Variants in PCDH15 observed in about 807,000 individuals in gnomAD.
PCDH15 encodes protocadherin related 15.
Under a neutral mutation model 178.5 loss-of-function variants are expected in PCDH15, and 129 were observed. The observed-to-expected ratio is 0.72, with a 90% CI of 0.63 to 0.84. The LOEUF is 0.84. Among genes scored for constraint, PCDH15 ranks in the 40% least tolerant of loss-of-function variants. The pLI, the probability that PCDH15 is intolerant of heterozygous loss-of-function variation, is 0.00. For synonymous variants in PCDH15, 800 were observed against 732.0 expected, an observed-to-expected ratio of 1.09 and a Z score of -1.50; for missense variants, 2,230 against 2,099.9, an observed-to-expected ratio of 1.06 and a Z score of -1.21.
At chr10:55,456,458 T>A (rs572339014) in intron 2 of PCDH15, among the ~76,000 whole-genome samples, 1 of 152,234 alleles carries the variant, frequency 6.6e-6, no homozygotes, top group South Asian at 2.1e-4. Flanking sequence ...GTTAAACGTC[T>A]CATAAATAAT....
chr10:55,341,400 T>G (rs1844552050), intron 2 of PCDH15, among the ~76,000 whole-genome samples: 1 of 152,042 alleles, frequency 6.6e-6, no homozygotes, highest in Admixed American at 6.6e-5. Flanking sequence ...ATGGGAGAAT[T>G]TAACAAGAAT....
chr10:55,479,042 GA>G (rs1468362055), intron 2 of PCDH15, among the ~76,000 whole-genome samples: 4 of 150,630 alleles, frequency 2.7e-5, no homozygotes, highest in African/African-American at 9.7e-5. Flanking sequence ...GAAGATCCTG[GA>G]CTCAGTTCTA....
chr10:53,990,308 G>C (rs1277473994), intron 21 of PCDH15, among the ~76,000 whole-genome samples: 3 of 151,810 alleles, frequency 2.0e-5, no homozygotes, highest in Non-Finnish European at 4.4e-5. Flanking sequence ...ATACTTCACA[G>C]TTGTAATGAT....
chr10:55,259,727 A>AC (rs1276019901), intron 1 of PCDH15, among the ~76,000 whole-genome samples: 1 of 151,502 alleles, frequency 6.6e-6, no homozygotes, highest in Non-Finnish European at 1.5e-5. Flanking sequence ...ACATGGAGAA[A>AC]CCCCGTCTCT....
At chr10:55,387,286 G>A (rs1048914854) in intron 2 of PCDH15, among the ~76,000 whole-genome samples, 1 of 152,066 alleles carries the variant, frequency 6.6e-6, no homozygotes, top group Middle Eastern at 3.2e-3. Context: ...CCTGGTCCCA[G>A]TGTGGAGGCT....
chr10:54,935,740 T>A (rs983946074), intron 2 of PCDH15, among the ~76,000 whole-genome samples: 1 of 152,114 alleles, frequency 6.6e-6, no homozygotes, highest in Non-Finnish European at 1.5e-5. Context: ...ACATAATTCC[T>A]TTCTATTATT....
chr10:54,974,570 A>C (rs1839019168), intron 2 of PCDH15, among the ~76,000 whole-genome samples: 1 of 151,930 alleles, frequency 6.6e-6, no homozygotes, highest in South Asian at 2.1e-4. Context: ...ATGCATAAAA[A>C]ATATTTCCAT....
intron 10 of PCDH15, among the ~76,000 whole-genome samples, chr10:54,209,315 A>G (rs1012625719): frequency 3.3e-5 from 5 of 152,078 alleles, no homozygotes; most frequent in African/African-American, 7.2e-5. Context: ...GAAAAGATGG[A>G]CAAGATGCAC....
At chr10:54,054,402 C>T (rs920214192) in intron 18 of PCDH15, among the ~76,000 whole-genome samples, 3 of 151,908 alleles carry the variant, frequency 2.0e-5, no homozygotes, top group Non-Finnish European at 4.4e-5. Context: ...GTAGTAGAAT[C>T]TTAAGAAAAA....
chr10:54,122,482 T>C (rs2094440275), intron 15 of PCDH15, among the ~76,000 whole-genome samples: 1 of 151,852 alleles, frequency 6.6e-6, no homozygotes, highest in Admixed American at 6.6e-5. Flanking sequence ...GTCTCACCAC[T>C]CCTATTCAGG....
intron 1 of PCDH15, among the ~76,000 whole-genome samples, chr10:54,721,369 AT>A (rs1402335969): frequency 5.3e-5 from 8 of 152,068 alleles, no homozygotes; most frequent in African/African-American, 1.7e-4. Context: ...AAGAAAAAAA[AT>A]AACAAAGATT....
At chr10:54,380,675 C>CATATATAT (rs1218220837) in intron 3 of PCDH15, among the ~76,000 whole-genome samples, 55 of 28,622 alleles carry the variant, frequency 1.9e-3, no homozygotes, top group African/African-American at 4.5e-3. Flanking sequence ...ATATATGCTC[C>CATATATAT]ATATATATAT....
At chr10:54,676,141 T>C (rs2094785022) in intron 1 of PCDH15, among the ~76,000 whole-genome samples, 1 of 151,994 alleles carries the variant, frequency 6.6e-6, no homozygotes, top group African/African-American at 2.4e-5. Flanking sequence ...AAATATATAC[T>C]TATTATAAAA....
At chr10:54,250,542 C>A (rs945071854) in intron 8 of PCDH15, among the ~76,000 whole-genome samples, 1 of 151,826 alleles carries the variant, frequency 6.6e-6, no homozygotes, top group Non-Finnish European at 1.5e-5. Flanking sequence ...CTCGGCCTCT[C>A]AAAGTGCTGG....
At chr10:55,620,196 A>G (rs1244165702) in intron 2 of PCDH15, among the ~76,000 whole-genome samples, 1 of 152,076 alleles carries the variant, frequency 6.6e-6, no homozygotes, top group Non-Finnish European at 1.5e-5. Context: ...TGTGGTCCAG[A>G]TGTATTCTAA....
intron 2 of PCDH15, among the ~76,000 whole-genome samples, chr10:54,552,216 T>C (rs755967230): frequency 7.2e-5 from 11 of 152,150 alleles, no homozygotes; most frequent in Admixed American, 4.6e-4. Flanking sequence ...TGTACTCTCC[T>C]CTGATTCTAT....
At chr10:55,364,510 T>C (rs1196914383) in intron 2 of PCDH15, among the ~76,000 whole-genome samples, 1 of 152,126 alleles carries the variant, frequency 6.6e-6, no homozygotes, top group East Asian at 1.9e-4. Flanking sequence ...TATTTATATA[T>C]CTCTGGTCTT....
chr10:53,904,057 A>T (rs2082506892), intron 25 of PCDH15, among the ~76,000 whole-genome samples: 1 of 152,206 alleles, frequency 6.6e-6, no homozygotes, highest in Admixed American at 6.5e-5. Flanking sequence ...ATCAAATGTT[A>T]GAACCTCCCT....
At chr10:55,341,805 ATTTTTTTTTTTTTTTTTTT>A (rs869187882) in intron 2 of PCDH15, among the ~76,000 whole-genome samples, 1 of 16,332 alleles carries the variant, frequency 6.1e-5, no homozygotes, top group Non-Finnish European at 1.1e-4. Flanking sequence ...ATATATATAT[ATTTTTTTTTTTTTTTTTTT>A]TTTTTTTAGT....
Sources: gnomAD v4.1 joint callset for allele counts (sites outside exome capture counted in the v4.1 genomes callset) on GRCh38, gnomAD v4.1.1 for gene constraint, MANE v1.5 for transcripts, NCBI Gene and HGNC (gene_info 2026-07-23, HGNC 2026-07-21) for gene names.